Variants in SOX5 observed in about 807,000 individuals in gnomAD.
SOX5 encodes transcription factor SOX-5.
A neutral mutation model predicts 92.0 loss-of-function variants in SOX5; 9 were observed. That is an observed-to-expected ratio of 0.10 (90% CI 0.06 to 0.17). The LOEUF (loss-of-function observed/expected upper bound fraction) is 0.17. SOX5 is among the 10% of genes least tolerant of loss of function. The pLI, the probability that SOX5 is intolerant of heterozygous loss-of-function variation, is 1.00. For missense variants in SOX5, 642 were observed against 944.5 expected (o/e 0.68, Z 4.20); for synonymous variants, 344 against 336.3 (o/e 1.02, Z -0.25).
chr12:24,506,952 G>A (rs1318226376), intron 1 of SOX5, among the ~76,000 whole-genome samples: 2 of 151,428 alleles, frequency 1.3e-5, no homozygotes, highest in Non-Finnish European at 1.5e-5. Context: ...CACTGCACCC[G>A]GCTAATTTTT....
intron 4 of SOX5, among the ~76,000 whole-genome samples, chr12:24,083,541 GA>G (rs1428963384): frequency 1.3e-5 from 2 of 152,072 alleles, no homozygotes; most frequent in African/African-American, 4.8e-5. Flanking sequence ...TGTAGGTGCA[GA>G]AATAGGTATA....
At chr12:23,679,393 G>C (rs995831458) in intron 6 of SOX5, among the ~76,000 whole-genome samples, 1 of 152,132 alleles carries the variant, frequency 6.6e-6, no homozygotes, top group Non-Finnish European at 1.5e-5. Context: ...TGACGCTGCT[G>C]CTGCTGCTGA....
chr12:24,532,431 C>T (rs1303685453), intron 1 of SOX5, among the ~76,000 whole-genome samples: 1 of 152,202 alleles, frequency 6.6e-6, no homozygotes, highest in African/African-American at 2.4e-5. Flanking sequence ...AAAGACACTA[C>T]TAGTCAGACT....
intron 1 of SOX5, among the ~76,000 whole-genome samples, chr12:24,377,835 GC>G: frequency 6.6e-6 from 1 of 152,194 alleles, no homozygotes; most frequent in East Asian, 1.9e-4. Context: ...TACCCAGTAA[GC>G]CCCTAATGAG....
rs1382386484 is a variant in SOX5 at position 23,970,845 on chromosome 12, T to A, written c.-1-74821A>T. Among the ~76,000 whole-genome samples the A allele has an allele frequency of 2.4e-4, 24 of 100,148 alleles. 2 individuals are homozygous for A. Among genetic ancestry groups the A allele is most frequent in the African/African-American group, 6.6e-4 (18 of 27,260 alleles). The allele number at this position is 100,148 out of a possible 152,430, so 65.7% of individuals were successfully genotyped here. ...GGGACTTTATATATATATATAATTT[T>A]TTTTTTTTTTTAAGAAATGGGCTTG... is the stretch of plus-strand genomic sequence containing the variant. On this transcript the variant is annotated intron_variant, in intron 4 of 4. Coordinates refer to the SOX5 transcript ENST00000446891.
intron 2 of SOX5, among the ~76,000 whole-genome samples, chr12:24,315,525 A>T (rs1949616387): frequency 6.6e-6 from 1 of 152,144 alleles, no homozygotes; most frequent in Non-Finnish European, 1.5e-5. Context: ...ATTATTATGT[A>T]AAAAATAGAT....
intron 6 of SOX5, among the ~76,000 whole-genome samples, chr12:23,700,599 ACT>A (rs1567069029): frequency 6.6e-6 from 1 of 151,842 alleles, no homozygotes; most frequent in East Asian, 1.9e-4. Context: ...ACTCTCAAAA[ACT>A]CTTTCCCTTG....
chr12:24,302,309 G>A lies in SOX5; in HGVS notation c.-173-24997C>T, dbSNP rs114711620. Among the ~76,000 whole-genome samples, 422 of 152,270 alleles carry A rather than the reference G, an allele frequency of 2.8e-3. 4 individuals are homozygous for A. The highest frequency in any genetic ancestry group is 9.5e-3 in the African/African-American group (394 of 41,548). On this transcript the variant is annotated intron_variant, in intron 2 of 4. Coordinates refer to the SOX5 transcript ENST00000446891. ...AATAATAACATGTATCTGCTTATAT[G>A]AATTTAACATTGTTATAGGTCTATT...
intron 6 of SOX5, among the ~76,000 whole-genome samples, chr12:23,688,784 T>G (rs2088148300): frequency 6.6e-6 from 1 of 152,138 alleles, no homozygotes; most frequent in Admixed American, 6.6e-5. Flanking sequence ...ATACATGTAC[T>G]AGACCTTGAG....
intron 1 of SOX5, among the ~76,000 whole-genome samples, chr12:24,512,957 A>C (rs1005394032): frequency 1.3e-5 from 2 of 152,214 alleles, no homozygotes; most frequent in Non-Finnish European, 2.9e-5. Context: ...ACGATTTCCA[A>C]TTTATGATGG....
intron 1 of SOX5, among the ~76,000 whole-genome samples, chr12:24,527,697 A>G (rs548483549): frequency 3.3e-5 from 5 of 152,248 alleles, no homozygotes; most frequent in Non-Finnish European, 7.3e-5. Context: ...CAAGAAGCTC[A>G]GAGTCACACT....
At chr12:23,804,121 G>C (rs1027068128) in intron 3 of SOX5, among the ~76,000 whole-genome samples, 1 of 152,060 alleles carries the variant, frequency 6.6e-6, no homozygotes, top group Non-Finnish European at 1.5e-5. Flanking sequence ...TGGAAGTCAA[G>C]CTATCTAGTA....
intron 1 of SOX5, among the ~76,000 whole-genome samples, chr12:24,452,171 TC>T (rs747939275): frequency 1.3e-5 from 2 of 152,344 alleles, no homozygotes; most frequent in African/African-American, 4.8e-5. Flanking sequence ...TAGACAGAAG[TC>T]CTCAATTAAT....
intron 1 of SOX5, among the ~76,000 whole-genome samples, chr12:24,447,414 C>A (rs12824173): frequency 0.099 from 14,984 of 151,854 alleles, 878 homozygotes; most frequent in South Asian, 0.16. Context: ...GTCAAGGTCA[C>A]GAAAAACAAG....
chr12:24,511,280 T>C (rs1597449168), intron 1 of SOX5, among the ~76,000 whole-genome samples: 1 of 152,332 alleles, frequency 6.6e-6, no homozygotes, highest in East Asian at 1.9e-4. Flanking sequence ...TGGTTTTTAA[T>C]TTTCTAAATT....
intron 3 of SOX5, among the ~76,000 whole-genome samples, chr12:24,271,986 C>CAG (rs1356038548): frequency 6.6e-6 from 1 of 151,634 alleles, no homozygotes; most frequent in Non-Finnish European, 1.5e-5. Flanking sequence ...CACACAAACA[C>CAG]ACACACACAC....
chr12:24,422,763 T>C (rs1168158118), intron 1 of SOX5, among the ~76,000 whole-genome samples: 1 of 152,188 alleles, frequency 6.6e-6, no homozygotes, highest in African/African-American at 2.4e-5. Context: ...GTAATCTTAG[T>C]ACTTTGGGAG....
At chr12:24,093,679 A>G (rs973815311) in intron 4 of SOX5, among the ~76,000 whole-genome samples, 4 of 145,010 alleles carry the variant, frequency 2.8e-5, no homozygotes, top group Non-Finnish European at 6.0e-5. Flanking sequence ...TGTTGAAAAT[A>G]TTTTGGTTGT....
At chr12:23,961,128 T>C (rs1946883263) in intron 4 of SOX5, among the ~76,000 whole-genome samples, 1 of 152,194 alleles carries the variant, frequency 6.6e-6, no homozygotes, top group Non-Finnish European at 1.5e-5. Flanking sequence ...ACATTTTTAT[T>C]ATTAAAAAAT....
Sources: allele counts gnomAD v4.1 joint callset (sites outside exome capture counted in the v4.1 genomes callset), GRCh38; gene constraint gnomAD v4.1.1; transcripts MANE v1.5; gene names NCBI Gene and HGNC (gene_info 2026-07-23, HGNC 2026-07-21).